Variants in PCDHA3 observed in about 807,000 individuals in gnomAD.
PCDHA3 encodes protocadherin alpha-3.
A neutral mutation model predicts 62.2 loss-of-function variants in PCDHA3; 41 were observed. The ratio of observed to expected loss-of-function variants is 0.66; its 90% CI spans 0.51 to 0.86. The LOEUF is 0.86. Among genes scored for constraint, PCDHA3 ranks in the 40% least tolerant of loss-of-function variants. PCDHA3 has a pLI of 0.00. For missense variants in PCDHA3, 1,304 were observed against 1,241.2 expected, an observed-to-expected ratio of 1.05 and a Z score of -0.76; for synonymous variants, 640 against 555.4, an observed-to-expected ratio of 1.15 and a Z score of -2.14.
intron 1 of PCDHA3, among the ~76,000 whole-genome samples, chr5:140,903,723 A>G (rs1361598477): frequency 6.6e-6 from 1 of 152,210 alleles, no homozygotes; most frequent in Non-Finnish European, 1.5e-5. Flanking sequence ...AATTCTCCCT[A>G]TTATCAATTA....
intron 1 of PCDHA3, chr5:140,884,152 T>C (rs1279761986): frequency 1.9e-6 from 3 of 1,613,332 alleles, no homozygotes; most frequent in East Asian, 2.2e-5. Flanking sequence ...GGCTGTACAC[T>C]GGCGAGATCA....
intron 1 of PCDHA3, among the ~76,000 whole-genome samples, chr5:140,944,043 T>C (rs2093600641): frequency 6.6e-6 from 1 of 152,080 alleles, no homozygotes; most frequent in African/African-American, 2.4e-5. Flanking sequence ...GAAAACCAGA[T>C]TGGGATACAA....
At chr5:140,837,655 T>C (rs1323533582) in intron 1 of PCDHA3, among the ~76,000 whole-genome samples, 3 of 151,204 alleles carry the variant, frequency 2.0e-5, no homozygotes, top group Non-Finnish European at 4.4e-5. Context: ...CTTTCTTCCT[T>C]TTTCTTTCAT....
intron 1 of PCDHA3, among the ~76,000 whole-genome samples, chr5:140,938,842 G>T (rs2092225940): frequency 1.3e-5 from 2 of 151,980 alleles, no homozygotes; most frequent in African/African-American, 4.8e-5. Context: ...TAACAAACCT[G>T]CCCATGTACC....
At chr5:140,927,471 C>A (rs1371582285) in intron 1 of PCDHA3, 2 of 1,613,968 alleles carry the variant, frequency 1.2e-6, no homozygotes, top group African/African-American at 1.3e-5. Flanking sequence ...CACTGGATCG[C>A]GAACAGCGCG....
intron 1 of PCDHA3, among the ~76,000 whole-genome samples, chr5:140,898,404 A>G (rs1170692741): frequency 1.3e-5 from 2 of 152,242 alleles, no homozygotes; most frequent in Non-Finnish European, 2.9e-5. Flanking sequence ...AGCTTTCTAC[A>G]TACGGCTAGC....
intron 1 of PCDHA3, chr5:140,860,149 A>ATG (rs1239190968): frequency 6.7e-6 from 1 of 150,348 alleles, no homozygotes; most frequent in East Asian, 1.9e-4. Context: ...ATATGTATAT[A>ATG]TGTGTATATA....
intron 1 of PCDHA3, among the ~76,000 whole-genome samples, chr5:140,821,088 C>G (rs2150108660): frequency 6.6e-6 from 1 of 151,814 alleles, no homozygotes; most frequent in South Asian, 2.1e-4. Context: ...TTGAAAATAA[C>G]ATCAACAAAA....
intron 1 of PCDHA3, chr5:140,821,980 G>A (rs1554128359): frequency 9.3e-6 from 15 of 1,614,138 alleles, no homozygotes; most frequent in South Asian, 4.4e-5. Context: ...GGCGTCCAAG[G>A]GCCGCGGGGA....
intron 3 of PCDHA3, among the ~76,000 whole-genome samples, chr5:140,995,405 T>G (rs1203404732): frequency 2.6e-5 from 4 of 152,154 alleles, no homozygotes; most frequent in African/African-American, 9.7e-5. Context: ...TGGCTCGAGA[T>G]TTCATCACAT....
In PCDHA3 at chr5:140,869,193, G is replaced by C. The variant is rs1215630740; in HGVS notation, c.2394+65602G>C. The C allele has an allele frequency of 1.9e-6, 3 of 1,614,040 alleles. No individual in the cohort carries two copies. In the African/African-American group the frequency reaches 4.0e-5, roughly 22 times the overall value. On this transcript the variant is annotated intron_variant, in intron 1 of 3. Transcript: ENST00000522353. Reference sequence around the variant, plus strand: ...AATTCTGGGAGGTGGGGAGCGGCCAGCTCCACTACTCCGTCTCGGAGGAGG... The same window carrying C: ...AATTCTGGGAGGTGGGGAGCGGCCACCTCCACTACTCCGTCTCGGAGGAGG...
At chr5:140,851,481 C>G in intron 1 of PCDHA3, 1 of 891,038 alleles carries the variant, frequency 1.1e-6, no homozygotes, top group Non-Finnish European at 1.4e-6. Flanking sequence ...ATGTTATAAA[C>G]ACAGCCTTCA....
intron 1 of PCDHA3, among the ~76,000 whole-genome samples, chr5:140,947,932 T>G (rs1444320082): frequency 1.3e-5 from 2 of 151,584 alleles, no homozygotes; most frequent in African/African-American, 4.8e-5. Flanking sequence ...CCTGATCTTA[T>G]GAGAAAAGTG....
At position 140,802,310 on chromosome 5, in the gene PCDHA3, G is replaced by A; in HGVS notation, c.1113G>A (p.Leu371=). ...EDSPLSTVIA[L]ISVSDRDSGV... ...CTCCACTTAGCACAGTCATCGCTCT[G>A]ATCAGCGTGTCCGACCGCGACTCAG... Residue 371 remains leucine, a synonymous_variant, in exon 1 of 4, where the codon CTG becomes CTA. Transcript: ENST00000522353. 1.9e-6 allele frequency: 3 copies of A among 1,614,222 alleles called. No individual in the cohort carries two copies. The highest frequency in any genetic ancestry group is 1.7e-6 in the Non-Finnish European group (2 of 1,180,040).
intron 1 of PCDHA3, chr5:140,829,680 T>C (rs1554132158): frequency 1.9e-6 from 3 of 1,613,098 alleles, no homozygotes; most frequent in African/African-American, 1.3e-5. Context: ...GAGCTAGAGC[T>C]GCTGCAGTTT....
intron 1 of PCDHA3, chr5:140,926,980 A>C: frequency 3.1e-6 from 5 of 1,610,364 alleles, no homozygotes; most frequent in Non-Finnish European, 4.2e-6. Flanking sequence ...GCCGGAGGAG[A>C]CGGAGCGGGG....
chr5:140,828,802 T>C (rs2150159196), intron 1 of PCDHA3: 42 of 1,614,232 alleles, frequency 2.6e-5, no homozygotes, highest in Non-Finnish European at 3.5e-5. Context: ...ATGTGAATGA[T>C]AATGCTCCCA....
chr5:140,843,637 C>T (rs1289295729), intron 1 of PCDHA3: 2 of 1,595,812 alleles, frequency 1.3e-6, no homozygotes, highest in East Asian at 2.2e-5. Flanking sequence ...TCATGGCCTT[C>T]AGCCCCTGCC....
At position 140,973,042 on chromosome 5, in the gene PCDHA3, T is replaced by C. The variant is rs78535788; in HGVS notation, c.2395-5907T>C. Among the ~76,000 whole-genome samples the C allele has an allele frequency of 5.1e-3, 779 of 152,252 alleles. 6 individuals carry two copies. Among genetic ancestry groups the C allele is most frequent in the African/African-American group, 0.018 (740 of 41,542 alleles). ...TGTTAATGAGTCACTTTGAGTACTCTAGTAGATTTGTCCAACAGTGTCTCA... is the reference window on the plus strand; with the variant it reads ...TGTTAATGAGTCACTTTGAGTACTCCAGTAGATTTGTCCAACAGTGTCTCA... On this transcript the variant is annotated intron_variant, in intron 1 of 3. Transcript: ENST00000522353.
Sources: allele counts gnomAD v4.1 joint callset (sites outside exome capture counted in the v4.1 genomes callset), GRCh38; gene constraint gnomAD v4.1.1; transcripts MANE v1.5; gene names NCBI Gene and HGNC (gene_info 2026-07-23, HGNC 2026-07-21).